PSMD3: variants seen among roughly 807,000 people sequenced by gnomAD.
PSMD3 encodes the protein proteasome 26S subunit, non-ATPase 3, also known as 26S proteasome non-ATPase regulatory subunit 3.
Under a neutral mutation model 62.8 loss-of-function variants are expected in PSMD3, and 5 were observed. That is an observed-to-expected ratio of 0.08 (90% CI 0.04 to 0.17). PSMD3 has a LOEUF of 0.17. Among genes scored for constraint, PSMD3 ranks in the 10% least tolerant of loss-of-function variants. The pLI, the probability that PSMD3 is intolerant of heterozygous loss-of-function variation, is 1.00. For missense variants in PSMD3, 524 were observed against 713.6 expected, an observed-to-expected ratio of 0.73 and a Z score of 3.03; for synonymous variants, 265 against 283.9, an observed-to-expected ratio of 0.93 and a Z score of 0.67.
Position 39,981,849 on chromosome 17 carries a change from C to T in PSMD3, c.220+659C>T, listed in dbSNP as rs1045528687. ...TTTGTTTGGTTTTGTAATACTCAAC[C>T]TTTGGCCTAAACTCCTATATACCGG... On this transcript the variant is annotated intron_variant, in intron 1 of 11. Transcript: ENST00000264639. 3.9e-5 allele frequency among the ~76,000 whole-genome samples: 6 copies of T among 151,936 alleles called. 1 individual carries two copies. The South Asian group carries it at 1.2e-3, about 32-fold the overall frequency.
At chr17:39,986,345 C>T (rs185342581) in intron 2 of PSMD3, among the ~76,000 whole-genome samples, 3 of 152,324 alleles carry the variant, frequency 2.0e-5, no homozygotes, top group African/African-American at 7.2e-5. Context: ...ATTCTCCTGC[C>T]TCAGCCTTCC....
intron 4 of PSMD3, 94 bp from the exon 5 acceptor site, chr17:39,989,645 A>T (rs1980607206): frequency 8.1e-7 from 1 of 1,239,772 alleles, no homozygotes; most frequent in African/African-American, 1.5e-5. Context: ...CAATTTGTAT[A>T]ACTTTTTTAA....
At chr17:39,992,620 C>T (rs773391468) in intron 6 of PSMD3, among the ~76,000 whole-genome samples, 10 of 152,172 alleles carry the variant, frequency 6.6e-5, no homozygotes, top group Non-Finnish European at 1.2e-4. Flanking sequence ...TGTCTCTCTC[C>T]GCCCATTTTC....
intron 6 of PSMD3, chr17:39,992,951 T>C (rs559305560): frequency 6.6e-6 from 1 of 152,466 alleles, no homozygotes; most frequent in East Asian, 1.9e-4. Flanking sequence ...CTTTCCCAGC[T>C]TCAGCGCTCG....
At chr17:39,991,553 T>C (rs1484275237) in intron 6 of PSMD3, among the ~76,000 whole-genome samples, 2 of 152,178 alleles carry the variant, frequency 1.3e-5, no homozygotes, top group Non-Finnish European at 2.9e-5. Flanking sequence ...GTAGCCAGGA[T>C]GTAGACCCAG....
intron 2 of PSMD3, among the ~76,000 whole-genome samples, chr17:39,985,919 C>G (rs1229513461): frequency 6.6e-6 from 1 of 152,190 alleles, no homozygotes; most frequent in African/African-American, 2.4e-5. Context: ...TCGTTCAGCC[C>G]TGTCCAGTAG....
rs1186706753 is a variant in PSMD3 at position 39,997,738 on chromosome 17, C to T, written c.*157C>T. 4 of 826,332 alleles carry T rather than the reference C, an allele frequency of 4.8e-6. No individual in the cohort carries two copies. The highest frequency in any genetic ancestry group is 7.6e-6 in the Non-Finnish European group (4 of 525,078). The allele number at this position is 826,332 out of a possible 1,614,324, so 51.2% of individuals were successfully genotyped here. A position where few individuals can be genotyped will look rare whatever the true frequency, so the allele number is the denominator to read the frequency against. ...CTGGGAGCCAGCCACCCTGACCTCCCCCAGGGCTCCTCCCCAGCCGGTGAC... is the reference window on the plus strand; with the variant it reads ...CTGGGAGCCAGCCACCCTGACCTCCTCCAGGGCTCCTCCCCAGCCGGTGAC... On this transcript the variant is annotated 3_prime_UTR_variant, in exon 12 of 12. Coordinates refer to ENST00000264639, the MANE Select transcript of PSMD3 (RefSeq NM_002809.4).
At chr17:39,985,251 A>C (rs908557027) in intron 2 of PSMD3, among the ~76,000 whole-genome samples, 5 of 152,070 alleles carry the variant, frequency 3.3e-5, no homozygotes, top group African/African-American at 1.2e-4. Context: ...AAAAAACCCC[A>C]CAGATTTTAG....
chr17:39,996,120 CAA>C lies in PSMD3; in HGVS notation c.1321-49_1321-48del, dbSNP rs35244421. The C allele has an allele frequency of 0.038, 52,834 of 1,395,218 alleles. No individual in the cohort carries two copies. Among genetic ancestry groups the C allele is most frequent in the Middle Eastern group, 0.072 (281 of 3,894 alleles). 86.4% of individuals were successfully genotyped at this position (1,395,218 alleles called of 1,614,324 possible). On this transcript the variant is annotated intron_variant, in intron 9 of 11. Transcript: ENST00000264639. This position sits in a 1 kb window ranked among gnomAD's most constrained non-coding sequence, Gnocchi z 5.1. Reference sequence around the variant, plus strand: ...TGGGTGACAGAGCGAGACTCCATCTCAAAAAAAAAAAAAAAGAAGAAGCTGGG... The same window carrying C: ...TGGGTGACAGAGCGAGACTCCATCTCAAAAAAAAAAAAAGAAGAAGCTGGG...
intron 1 of PSMD3, among the ~76,000 whole-genome samples, chr17:39,982,003 T>G (rs1598310732): frequency 6.6e-6 from 1 of 152,328 alleles, no homozygotes; most frequent in South Asian, 2.1e-4. Flanking sequence ...AAGTGAGAGC[T>G]TCCCACTGTG....
rs773143755 is a variant in PSMD3 at position 39,988,817 on chromosome 17, C to T, written c.684C>T (p.Arg228=). Residue 228 remains arginine, a splice_region_variant and synonymous_variant, in exon 4 of 12, where the codon CGC becomes CGT. Coordinates refer to ENST00000264639, the MANE Select transcript of PSMD3 (RefSeq NM_002809.4). ...TCCTGGACAAGCTGGATGTGGTGCG[C>T]AGGTACAGGCAGCCAAGCATCTCAC... ...YEFLDKLDVV[R]SFLHARLRTA... The T allele has an allele frequency of 1.2e-6, 2 of 1,613,446 alleles. No individual in the cohort carries two copies. The highest frequency in any genetic ancestry group is 2.2e-5 in the East Asian group (1 of 44,886).
chr17:39,990,963 ATCTT>A (rs1255096758), intron 6 of PSMD3, among the ~76,000 whole-genome samples: 7 of 152,080 alleles, frequency 4.6e-5, no homozygotes, highest in Middle Eastern at 3.4e-3. Context: ...ATAATAAGTG[ATCTT>A]TCTTTCTTTT....
rs142347522 is a variant in PSMD3, at chr17:39,986,702, G to A, written c.539G>A (p.Arg180His). The change falls in exon 3 of 12, where the codon CGC becomes CAC. Residue 180 changes from arginine (R) to histidine (H), a missense_variant. Around this residue, in one of 4 missense-constraint regions of PSMD3, gnomAD observed 396 missense variants for 475.8 expected, o/e 0.83. Transcript: ENST00000264639. ...GTCATCTTCATGATGAACAGCAAGCGCTACAAAGAGGTATCCAGGATGCAG... is the reference window on the plus strand; with the variant it reads ...GTCATCTTCATGATGAACAGCAAGCACTACAAAGAGGTATCCAGGATGCAG... ...LVVIFMMNSK[R>H]YKEAQKISDD... 85 of 1,614,152 alleles carry A rather than the reference G, an allele frequency of 5.3e-5. No individual in the cohort carries two copies. The highest frequency in any genetic ancestry group is 3.7e-4 in the African/African-American group (28 of 75,046).
intron 1 of PSMD3, among the ~76,000 whole-genome samples, chr17:39,983,101 C>T (rs1184173849): frequency 6.6e-6 from 1 of 151,492 alleles, no homozygotes; most frequent in African/African-American, 2.4e-5. Flanking sequence ...GGCGCGATCT[C>T]GGCTCACTGC....
chr17:39,996,558 G>C lies in PSMD3; in HGVS notation c.1476+220G>C. The C allele has an allele frequency of 1.4e-6, 1 of 703,450 alleles. No homozygotes were observed. The highest frequency in any genetic ancestry group is 1.5e-5 in the South Asian group (1 of 67,006). 43.6% of individuals were successfully genotyped at this position (703,450 alleles called of 1,614,324 possible). On this transcript the variant is annotated intron_variant, in intron 10 of 11. Coordinates refer to ENST00000264639, the MANE Select transcript of PSMD3 (RefSeq NM_002809.4). The surrounding 1 kb of genome is among the most constrained non-coding windows in gnomAD (Gnocchi z 5.1). The stretch of plus-strand genomic sequence containing the variant: ...TCCTATTGCGTTTAAGGGATGATGT[G>C]GTCACCAGGGAGGACCAGGCAGGGA...
At chr17:39,994,862 C>T (rs1217940782) in intron 6 of PSMD3, 92 bp from the exon 7 acceptor site, 1 of 1,098,046 alleles carries the variant, frequency 9.1e-7, no homozygotes, top group African/African-American at 1.5e-5. Context: ...CCCTGTTTCC[C>T]ACTACATCTG....
At chr17:39,997,088 C>T (rs997926528) in intron 10 of PSMD3, among the ~76,000 whole-genome samples, 1 of 152,208 alleles carries the variant, frequency 6.6e-6, no homozygotes, top group African/African-American at 2.4e-5. Context: ...CACTGTGTTC[C>T]TCCTTTTCCT....
chr17:39,996,446 C>A lies in PSMD3; in HGVS notation c.1476+108C>A. On this transcript the variant is annotated intron_variant, in intron 10 of 11. Coordinates refer to ENST00000264639, the MANE Select transcript of PSMD3 (RefSeq NM_002809.4). This position sits in a 1 kb window ranked among gnomAD's most constrained non-coding sequence, Gnocchi z 5.1. Reference sequence around the variant, plus strand: ...GCTTAATTTGTGGCCCACGTCCCAGCCAATCTCTGTAAAATCACTGAGCTG... The same window carrying A: ...GCTTAATTTGTGGCCCACGTCCCAGACAATCTCTGTAAAATCACTGAGCTG... The A allele has an allele frequency of 1.4e-6, 2 of 1,411,790 alleles. No homozygotes were observed. Among genetic ancestry groups the A allele is most frequent in the Non-Finnish European group, 1.9e-6 (2 of 1,031,368 alleles). The allele number at this position is 1,411,790 out of a possible 1,614,324, so 87.5% of individuals were successfully genotyped here.
intron 2 of PSMD3, among the ~76,000 whole-genome samples, chr17:39,985,511 C>G (rs1170963411): frequency 6.6e-6 from 1 of 152,202 alleles, no homozygotes; most frequent in African/African-American, 2.4e-5. Context: ...GTAAACTCTC[C>G]CTCATGATTC....
Sources: gnomAD v4.1 joint callset for allele counts (sites outside exome capture counted in the v4.1 genomes callset) on GRCh38, gnomAD v4.1.1 for gene constraint, gnomAD v4.1.1 regional missense constraint, Gnocchi (gnomAD v3.1) non-coding constraint, MANE v1.5 for transcripts, NCBI Gene and HGNC (gene_info 2026-07-23, HGNC 2026-07-21) for gene names.